EIF3A: variants seen among roughly 807,000 people sequenced by gnomAD.
The protein encoded by EIF3A is EIF3, p180 subunit.
EIF3A carries 21 observed loss-of-function variants against 186.6 expected under a neutral mutation model. The ratio of observed to expected loss-of-function variants is 0.11; its 90% CI spans 0.08 to 0.16. The LOEUF (loss-of-function observed/expected upper bound fraction) is 0.16, where lower values mean the gene tolerates loss of function less well. Among genes scored for constraint, EIF3A ranks in the 10% least tolerant of loss-of-function variants. The pLI, the probability that EIF3A is intolerant of heterozygous loss-of-function variation, is 1.00. For synonymous variants in EIF3A, 563 were observed against 584.3 expected (o/e 0.96, Z 0.52); for missense variants, 1,306 against 1,796.3 (o/e 0.73, Z 4.93).
chr10:119,047,264 T>A (rs1459631846), intron 17 of EIF3A, among the ~76,000 whole-genome samples: 1 of 152,026 alleles, frequency 6.6e-6, no homozygotes, highest in African/African-American at 2.4e-5. Flanking sequence ...CGAGACTGTC[T>A]CCACACACAC....
intron 14 of EIF3A, among the ~76,000 whole-genome samples, chr10:119,052,633 C>G (rs1456221620): frequency 6.6e-6 from 1 of 152,246 alleles, no homozygotes; most frequent in Admixed American, 6.5e-5. Context: ...ACCTCAGCCT[C>G]CCAAAGAGCT....
rs773250032 is a variant in EIF3A at position 119,036,240 on chromosome 10, C to T, written c.3948G>A (p.Arg1316=). ...EVSSWRRADD[R]KDDRVEERDP... ...CCCGCTCTTCCACCCGGTCATCTTT[C>T]CTGTCATCAGCACGTCTCCAAGAAC... The change falls in exon 22 of 22, where the codon AGG becomes AGA. Residue 1316 remains arginine, a synonymous_variant. Transcript: ENST00000369144. The T allele has an allele frequency of 6.2e-7, 1 of 1,613,736 alleles. No homozygotes were observed. Among genetic ancestry groups the T allele is most frequent in the South Asian group, 1.1e-5 (1 of 91,026 alleles).
intron 19 of EIF3A, among the ~76,000 whole-genome samples, chr10:119,040,533 T>C (rs1451748092): frequency 1.3e-5 from 2 of 152,206 alleles, no homozygotes; most frequent in Non-Finnish European, 2.9e-5. Flanking sequence ...AGATGTGCTA[T>C]ATGCAGTAAG....
Position 119,042,628 on chromosome 10 carries a change from A to G in EIF3A, c.2892T>C (p.Asp964=), listed in dbSNP as rs201149949. The change falls in exon 19 of 22, where the codon GAT becomes GAC. Residue 964 remains aspartate (D), a synonymous_variant. Transcript: ENST00000369144. This position sits in a 1 kb window ranked among gnomAD's most constrained non-coding sequence, Gnocchi z 7.8. The stretch of plus-strand genomic sequence containing the variant: ...CAGGACCACGTCTAGGGCCTCTGTC[A>G]TCATCCATGCCACGCCGGGGAACCC... ...DDRVPRRGMD[D]DRGPRRGPEE... 3.3e-5 allele frequency: 54 copies of G among 1,614,122 alleles called. No individual in the cohort carries two copies. The African/African-American group carries it at 6.3e-4, about 19-fold the overall frequency.
Position 119,058,191 on chromosome 10 carries a change from C to T in EIF3A, c.1742G>A (p.Arg581His), listed in dbSNP as rs375953429. Residue 581 changes from arginine to histidine, a missense_variant, in exon 12 of 22, where the codon CGC becomes CAC. Physicochemically the swap from Arg to His is conservative, Grantham distance 29. Transcript: ENST00000369144. The part of the protein sequence containing the change: ...RRQTIEERKE[R>H]LESLNIQREK... Reference sequence around the variant, plus strand: ...ACGCTGAATATTCAGACTCTCAAGGCGCTCTTTTCTCTCCTCAATTGTCTG... The same window carrying T: ...ACGCTGAATATTCAGACTCTCAAGGTGCTCTTTTCTCTCCTCAATTGTCTG... 4.3e-6 allele frequency: 7 copies of T among 1,613,846 alleles called. No homozygotes were observed. Among genetic ancestry groups the T allele is most frequent in the Admixed American group, 1.7e-5 (1 of 59,980 alleles).
intron 1 of EIF3A, among the ~76,000 whole-genome samples, chr10:119,074,467 C>CA (rs1408366520): frequency 3.3e-3 from 56 of 17,002 alleles, no homozygotes; most frequent in Middle Eastern, 0.062. Flanking sequence ...TTCCGTGTCT[C>CA]AAAAAAAAAA....
rs1320213240 is a variant in EIF3A, at chr10:119,073,694, G to A, written c.240+53C>T. ...ATTCACTTCGAAAGGTAAGTTCTTC[G>A]GCAGATTACTAAAAACACTTGTTAA... On this transcript the variant is annotated intron_variant, in intron 2 of 21. Coordinates refer to ENST00000369144, the MANE Select transcript of EIF3A (RefSeq NM_003750.4). 1.0e-5 allele frequency: 16 copies of A among 1,560,028 alleles called. No homozygotes were observed. In the East Asian group the frequency reaches 1.1e-4, roughly 11 times the overall value.
chr10:119,067,041 C>A (rs751843535), intron 6 of EIF3A, among the ~76,000 whole-genome samples: 1 of 151,698 alleles, frequency 6.6e-6, no homozygotes, highest in Non-Finnish European at 1.5e-5. Context: ...GGTGAAACCC[C>A]GTTTCTACTA....
At chr10:119,051,450 A>C in intron 14 of EIF3A, 129 bp from the exon 15 acceptor site, 1 of 913,890 alleles carries the variant, frequency 1.1e-6, no homozygotes, top group Admixed American at 3.1e-5. Flanking sequence ...ATAAAAATGA[A>C]AACGTTAACT....
chr10:119,072,243 TAAAAAA>T (rs68078133), intron 4 of EIF3A, among the ~76,000 whole-genome samples: 3 of 122,836 alleles, frequency 2.4e-5, no homozygotes, highest in Non-Finnish European at 5.0e-5. Context: ...TCAAGTTCAC[TAAAAAA>T]AAAAAAAATG....
rs762600718 is a variant in EIF3A at position 119,050,660 on chromosome 10, C to T, written c.2334G>A (p.Gln778=). 29 of 1,613,916 alleles carry T rather than the reference C, an allele frequency of 1.8e-5. No homozygotes were observed. The highest frequency in any genetic ancestry group is 2.4e-5 in the Non-Finnish European group (28 of 1,180,038). The part of the protein sequence containing the change: ...RQSVYEEKLK[Q]FEERLAEERH... Reference sequence around the variant, plus strand: ...TTTCTTCTGCTAATCGCTCTTCAAACTGTTTAAGTTTTTCCTGCAATCGAA... The same window carrying T: ...TTTCTTCTGCTAATCGCTCTTCAAATTGTTTAAGTTTTTCCTGCAATCGAA... The change falls in exon 16 of 22, where the codon CAG becomes CAA. Residue 778 remains glutamine, a synonymous_variant. Coordinates refer to ENST00000369144, the MANE Select transcript of EIF3A (RefSeq NM_003750.4).
At chr10:119,057,099 AACTC>A in intron 12 of EIF3A, 59 bp from the exon 13 acceptor site, 1 of 920,724 alleles carries the variant, frequency 1.1e-6, no homozygotes, top group Non-Finnish European at 1.7e-6. Flanking sequence ...TGCCTAACAT[AACTC>A]ACTGCTTTCT....
chr10:119,057,253 C>T (rs1418341777), intron 12 of EIF3A, among the ~76,000 whole-genome samples: 2 of 152,174 alleles, frequency 1.3e-5, no homozygotes, highest in Admixed American at 6.6e-5. Context: ...CTCCAACCTA[C>T]ATCTACCCAG....
intron 20 of EIF3A, 137 bp from the exon 21 acceptor site, chr10:119,037,446 A>G: frequency 1.4e-6 from 1 of 716,302 alleles, no homozygotes; most frequent in South Asian, 1.9e-5. Context: ...ACCTTACCTG[A>G]TGCCTGGGGC....
chr10:119,056,207 T>C lies in EIF3A; in HGVS notation c.2196+533A>G, dbSNP rs1393889132. Among the ~76,000 whole-genome samples the C allele has an allele frequency of 2.0e-5, 3 of 152,200 alleles. No individual in the cohort carries two copies. The East Asian group carries it at 5.8e-4, about 29-fold the overall frequency. Reference sequence around the variant, plus strand: ...TTTGTATCATTAGGTAAATATAAAATATACTATAAGTTAACAAAACTATGG... The same window carrying C: ...TTTGTATCATTAGGTAAATATAAAACATACTATAAGTTAACAAAACTATGG... On this transcript the variant is annotated intron_variant, in intron 14 of 21. Coordinates refer to ENST00000369144, the MANE Select transcript of EIF3A (RefSeq NM_003750.4).
intron 19 of EIF3A, among the ~76,000 whole-genome samples, chr10:119,041,267 G>A (rs1272443128): frequency 6.6e-6 from 1 of 152,064 alleles, no homozygotes; most frequent in Non-Finnish European, 1.5e-5. Flanking sequence ...AGCAGGCCCA[G>A]GACTAAGAAA....
chr10:119,057,843 T>C lies in EIF3A; in HGVS notation c.1977+113A>G, dbSNP rs185919195. 2.4e-3 allele frequency: 1,951 copies of C among 798,748 alleles called. 7 individuals are homozygous for C. Among genetic ancestry groups the C allele is most frequent in the South Asian group, 5.3e-3 (314 of 58,744 alleles). 49.5% of individuals were successfully genotyped at this position (798,748 alleles called of 1,614,324 possible). A position where few individuals can be genotyped will look rare whatever the true frequency, so the allele number is the denominator to read the frequency against. On this transcript the variant is annotated intron_variant, in intron 12 of 21. Transcript: ENST00000369144. ...TCACAGATTTAGTCATGACCAGCTG[T>C]ACCAAAATGCATGAAATAACCCAGT...
In EIF3A at chr10:119,042,807, A is replaced by T. The variant is rs773678014; in HGVS notation, c.2748-35T>A. ...AACAAGAACAATTAAAAATATATAA[A>T]ATAAAAAAGCATATGATCCTTTGGG... On this transcript the variant is annotated intron_variant, in intron 18 of 21. Coordinates refer to ENST00000369144, the MANE Select transcript of EIF3A (RefSeq NM_003750.4). This position sits in a 1 kb window ranked among gnomAD's most constrained non-coding sequence, Gnocchi z 7.8. 5.9e-6 allele frequency: 9 copies of T among 1,522,844 alleles called. No homozygotes were observed. In the Admixed American group the frequency reaches 1.8e-4, roughly 30 times the overall value. The allele number at this position is 1,522,844 out of a possible 1,614,324, so 94.3% of individuals were successfully genotyped here.
At chr10:119,037,694 C>T (rs1848151926) in intron 20 of EIF3A, among the ~76,000 whole-genome samples, 1 of 152,096 alleles carries the variant, frequency 6.6e-6, no homozygotes, top group Non-Finnish European at 1.5e-5. Flanking sequence ...AGTACAAGGA[C>T]ACTTTGGCAG....
Sources: gnomAD v4.1 joint callset for allele counts (sites outside exome capture counted in the v4.1 genomes callset) on GRCh38, gnomAD v4.1.1 for gene constraint, Gnocchi (gnomAD v3.1) non-coding constraint, MANE v1.5 for transcripts, NCBI Gene and HGNC (gene_info 2026-07-23, HGNC 2026-07-21) for gene names.